The following SUPT3H variants were observed in gnomAD, a reference collection of about 807,000 sequenced individuals.
SUPT3H encodes SPT3 homolog, SAGA and STAGA complex component, also known as transcription initiation protein SPT3 homolog.
In SUPT3H, 44 loss-of-function variants were observed where a neutral mutation model predicts 44.3. The ratio of observed to expected loss-of-function variants is 0.99; its 90% confidence interval spans 0.78 to 1.28. SUPT3H has a LOEUF of 1.28. Among genes scored for constraint, SUPT3H ranks in the 50% most tolerant of loss-of-function variants. The pLI is 0.00. For missense variants in SUPT3H, 380 were observed against 387.1 expected (o/e 0.98, Z 0.15); for synonymous variants, 124 against 125.6 (o/e 0.99, Z 0.09).
chr6:45,226,284 A>G (rs1345247936), intron 2 of SUPT3H, among the ~76,000 whole-genome samples: 1 of 152,044 alleles, frequency 6.6e-6, no homozygotes, highest in African/African-American at 2.4e-5. Flanking sequence ...GGGGATGTAC[A>G]CTATACAATA....
intron 2 of SUPT3H, among the ~76,000 whole-genome samples, chr6:45,343,581 T>C (rs1790269179): frequency 6.6e-6 from 1 of 152,198 alleles, no homozygotes; most frequent in African/African-American, 2.4e-5. Flanking sequence ...AACTCTCTCT[T>C]GTAAAAAATG....
At chr6:45,154,829 G>A (rs559285509) in intron 2 of SUPT3H, among the ~76,000 whole-genome samples, 16 of 152,238 alleles carry the variant, frequency 1.1e-4, no homozygotes, top group African/African-American at 3.4e-4. Context: ...TTAAATAAAC[G>A]TGTATGCCCT....
intron 3 of SUPT3H, among the ~76,000 whole-genome samples, chr6:45,037,400 G>C (rs1208400153): frequency 6.6e-6 from 1 of 151,682 alleles, no homozygotes; most frequent in Admixed American, 6.6e-5. Context: ...TGTAATCCCA[G>C]CACTTTGGGA....
intron 5 of SUPT3H, among the ~76,000 whole-genome samples, chr6:45,004,622 C>T (rs1465074082): frequency 6.6e-6 from 1 of 151,896 alleles, no homozygotes; most frequent in Non-Finnish European, 1.5e-5. Flanking sequence ...TTCCCATTTC[C>T]TTCCCTTTTA....
At chr6:44,849,511 G>A (rs1431023398) in intron 10 of SUPT3H, among the ~76,000 whole-genome samples, 2 of 152,104 alleles carry the variant, frequency 1.3e-5, no homozygotes, top group Non-Finnish European at 1.5e-5. Context: ...ACAGGCGTGA[G>A]CCACCGCGCC....
intron 10 of SUPT3H, among the ~76,000 whole-genome samples, chr6:44,926,595 T>C (rs574394821): frequency 1.3e-5 from 2 of 152,138 alleles, no homozygotes; most frequent in African/African-American, 2.4e-5. Flanking sequence ...TTAGTAAATA[T>C]ATAAAAATGT....
chr6:45,001,672 C>T (rs115592799), intron 6 of SUPT3H, among the ~76,000 whole-genome samples: 262 of 152,082 alleles, frequency 1.7e-3, no homozygotes, highest in African/African-American at 6.1e-3. Context: ...TAGGTCTATA[C>T]CATTTTCATA....
chr6:44,979,997 G>A (rs80003024), intron 6 of SUPT3H, among the ~76,000 whole-genome samples: 6,501 of 152,112 alleles, frequency 0.043, 201 homozygotes, highest in Non-Finnish European at 0.065. Flanking sequence ...ATTATTTCTG[G>A]CTACATATAT....
At chr6:45,142,736 CAAAAAAAAA>C (rs70993502) in intron 2 of SUPT3H, among the ~76,000 whole-genome samples, 9 of 14,968 alleles carry the variant, frequency 6.0e-4, no homozygotes, top group South Asian at 5.5e-3. Context: ...AACTCCGTCT[CAAAAAAAAA>C]AAAAAAAAAA....
chr6:44,995,302 G>A (rs1044687148), intron 6 of SUPT3H, among the ~76,000 whole-genome samples: 4 of 152,024 alleles, frequency 2.6e-5, no homozygotes, highest in African/African-American at 9.6e-5. Context: ...CAAATAAAAT[G>A]CAAAATAAAC....
chr6:45,210,369 T>C (rs898682790), intron 2 of SUPT3H, among the ~76,000 whole-genome samples: 7 of 152,180 alleles, frequency 4.6e-5, no homozygotes, highest in African/African-American at 1.4e-4. Context: ...CTCTGCCCTA[T>C]TGTTTCACTA....
intron 2 of SUPT3H, among the ~76,000 whole-genome samples, chr6:45,229,573 C>A (rs145039659): frequency 6.6e-6 from 1 of 152,176 alleles, no homozygotes; most frequent in Non-Finnish European, 1.5e-5. Context: ...CAATTATCAG[C>A]CACATTTTAC....
chr6:45,286,338 A>G (rs1779265921), intron 2 of SUPT3H, among the ~76,000 whole-genome samples: 1 of 152,204 alleles, frequency 6.6e-6, no homozygotes, highest in Non-Finnish European at 1.5e-5. Context: ...AATTTTTGCA[A>G]TCTACTCATC....
intron 10 of SUPT3H, among the ~76,000 whole-genome samples, chr6:44,840,230 T>C (rs530129522): frequency 2.6e-5 from 4 of 152,334 alleles, no homozygotes; most frequent in South Asian, 2.1e-4. Context: ...ATAGCCTCAA[T>C]GTATAATCTC....
At chr6:45,138,027 C>G (rs1450217730) in intron 2 of SUPT3H, among the ~76,000 whole-genome samples, 2 of 151,842 alleles carry the variant, frequency 1.3e-5, no homozygotes, top group African/African-American at 4.8e-5. Context: ...AGAAGATAAC[C>G]CAATTTTTAA....
intron 2 of SUPT3H, among the ~76,000 whole-genome samples, chr6:45,284,902 G>A (rs994133306): frequency 1.2e-4 from 19 of 152,194 alleles, no homozygotes; most frequent in Admixed American, 4.6e-4. Context: ...CCATGATCAA[G>A]TGGGCTTCAT....
Position 45,283,422 on chromosome 6 carries a change from C to T in SUPT3H, c.101+81779G>A, listed in dbSNP as rs190463658. 5.7e-3 allele frequency among the ~76,000 whole-genome samples: 867 copies of T among 152,106 alleles called. 7 individuals carry two copies. The highest frequency in any genetic ancestry group is 0.023 in the South Asian group (109 of 4,806). ...CAAGCAAATGGAAAACAAAAAAAGGCAGGGGTTGCAATCCTAGTATCTGAT... is the reference window on the plus strand; with the variant it reads ...CAAGCAAATGGAAAACAAAAAAAGGTAGGGGTTGCAATCCTAGTATCTGAT... On this transcript the variant is annotated intron_variant, in intron 2 of 10. Transcript: ENST00000371459.
At chr6:44,862,965 A>C (rs1398811528) in intron 10 of SUPT3H, among the ~76,000 whole-genome samples, 5 of 152,208 alleles carry the variant, frequency 3.3e-5, no homozygotes, top group African/African-American at 4.8e-5. Flanking sequence ...ATTTTAGTTA[A>C]GAAAGGAGTC....
At position 45,253,196 on chromosome 6, in the gene SUPT3H, T is replaced by C. The variant is rs536081382; in HGVS notation, c.101+112005A>G. Among the ~76,000 whole-genome samples the C allele has an allele frequency of 2.6e-4, 40 of 152,274 alleles. 1 individual carries two copies. Among genetic ancestry groups the C allele is most frequent in the African/African-American group, 8.2e-4 (34 of 41,558 alleles). ...ATAAAAAACAAAGAATTAAAGAATT[T>C]CTCTCAATATACAAAGATTTCTTAT... On this transcript the variant is annotated intron_variant, in intron 2 of 10. Transcript: ENST00000371459.
Sources: allele counts gnomAD v4.1 joint callset (sites outside exome capture counted in the v4.1 genomes callset), GRCh38; gene constraint gnomAD v4.1.1; transcripts MANE v1.5; gene names NCBI Gene and HGNC (gene_info 2026-07-23, HGNC 2026-07-21).